The following APBB2 variants were observed in gnomAD, a reference collection of about 807,000 sequenced individuals.
The protein encoded by APBB2 is Fe65-like 1.
APBB2 carries 38 observed loss-of-function variants against 82.5 expected under a neutral mutation model. The observed-to-expected ratio is 0.46, with a 90% CI of 0.36 to 0.60. The LOEUF is 0.60. Ranked by LOEUF, APBB2 falls within the 20% of genes least tolerant of loss-of-function variation. The pLI is 0.00. For synonymous variants in APBB2, 341 were observed against 368.2 expected, an observed-to-expected ratio of 0.93 and a Z score of 0.85; for missense variants, 772 against 972.3, an observed-to-expected ratio of 0.79 and a Z score of 2.74.
chr4:41,068,033 C>T lies in APBB2; in HGVS notation c.-148-2360G>A, dbSNP rs542112274. Among the ~76,000 whole-genome samples the T allele has an allele frequency of 4.5e-4, 68 of 152,120 alleles. 1 individual carries two copies. In the South Asian group the frequency reaches 5.6e-3, roughly 13 times the overall value. ...GGAGTACAGATGAAGGGACTGACCT[C>T]GAAGAAGAGGGGAGTCCACAATCCT... is the stretch of plus-strand genomic sequence containing the variant. On this transcript the variant is annotated intron_variant, in intron 3 of 17. Coordinates refer to ENST00000508593, the MANE Select transcript of APBB2 (RefSeq NM_004307.2).
At chr4:40,974,288 A>G (rs552976834) in intron 6 of APBB2, among the ~76,000 whole-genome samples, 1 of 152,304 alleles carries the variant, frequency 6.6e-6, no homozygotes, top group South Asian at 2.1e-4. Flanking sequence ...TAGCTCTTCA[A>G]TGTATCTTTC....
In APBB2 at chr4:40,813,368, G is replaced by A. The variant is rs931780146; in HGVS notation, c.*2724C>T. ...AATATGGTAAGACATAGAAGGCATC[G>A]TGAACATGGCTGCCTGTTTACCGAA... is the stretch of plus-strand genomic sequence containing the variant. On this transcript the variant is annotated 3_prime_UTR_variant, in exon 18 of 18. Transcript: ENST00000508593. 6.6e-6 allele frequency: 1 copy of A among 152,112 alleles called. No individual in the cohort carries two copies. Among genetic ancestry groups the A allele is most frequent in the East Asian group, 1.9e-4 (1 of 5,204 alleles). The allele number at this position is 152,112 out of a possible 1,614,324, so 9.4% of individuals were successfully genotyped here.
rs766487790 is a variant in APBB2, at chr4:40,816,228, G to T, written c.2144C>A (p.Pro715Gln). Residue 715 changes from proline (P) to glutamine (Q), a missense_variant, in exon 18 of 18, where the codon CCG becomes CAG. Transcript: ENST00000508593. ...LRYQKCLVAR[P>Q]PSQKVRPPPP... ...AGGTGGTCGAACTTTCTGAGAAGGC[G>T]GCCTGGCTACCAAGCACTTCTGATA... is the stretch of plus-strand genomic sequence containing the variant. 1 of 1,614,126 alleles carries T rather than the reference G, an allele frequency of 6.2e-7. No homozygotes were observed. The highest frequency in any genetic ancestry group is 8.5e-7 in the Non-Finnish European group (1 of 1,180,028).
chr4:41,049,642 G>A (rs1725195200), intron 4 of APBB2, among the ~76,000 whole-genome samples: 2 of 152,196 alleles, frequency 1.3e-5, no homozygotes, highest in African/African-American at 2.4e-5. Context: ...GTACCCAACA[G>A]CTCATTGAGA....
intron 4 of APBB2, among the ~76,000 whole-genome samples, chr4:41,054,869 T>C (rs1414359456): frequency 6.6e-6 from 1 of 152,054 alleles, no homozygotes; most frequent in Non-Finnish European, 1.5e-5. Context: ...AAATGTGCTG[T>C]CTGCATGCTG....
chr4:40,840,422 G>T (rs778415001), intron 12 of APBB2, among the ~76,000 whole-genome samples: 1 of 152,150 alleles, frequency 6.6e-6, no homozygotes, highest in African/African-American at 2.4e-5. Flanking sequence ...GCGAAAGTAC[G>T]TAAGAAACTT....
chr4:41,137,789 GCAAAAAATAAAAA>G (rs1315515700), intron 2 of APBB2, among the ~76,000 whole-genome samples: 2 of 151,996 alleles, frequency 1.3e-5, no homozygotes, highest in Non-Finnish European at 2.9e-5. Flanking sequence ...AGACCTATAT[GCAAAAAATAAAAA>G]TAAAAAATCA....
chr4:40,980,166 G>A (rs1238400563), intron 6 of APBB2, among the ~76,000 whole-genome samples: 1 of 152,128 alleles, frequency 6.6e-6, no homozygotes, highest in African/African-American at 2.4e-5. Context: ...GGGACTACAG[G>A]CGCACGCTGC....
intron 1 of APBB2, among the ~76,000 whole-genome samples, chr4:41,154,018 T>C (rs968067743): frequency 6.6e-6 from 1 of 152,208 alleles, no homozygotes; most frequent in Admixed American, 6.5e-5. Context: ...TAGAGGTCCA[T>C]AAATTACTGA....
intron 3 of APBB2, among the ~76,000 whole-genome samples, chr4:41,095,949 G>T (rs533585771): frequency 1.3e-5 from 2 of 152,166 alleles, no homozygotes; most frequent in East Asian, 1.9e-4. Context: ...TCGATCTCAG[G>T]GTCCACTCTG....
At chr4:40,948,972 C>G (rs929799644) in intron 6 of APBB2, among the ~76,000 whole-genome samples, 4 of 149,138 alleles carry the variant, frequency 2.7e-5, no homozygotes, top group Admixed American at 2.0e-4. Flanking sequence ...CAGTGGTTTT[C>G]AACTGTTATC....
intron 6 of APBB2, among the ~76,000 whole-genome samples, chr4:40,982,767 G>T (rs1799439291): frequency 6.7e-6 from 1 of 148,858 alleles, no homozygotes; most frequent in Non-Finnish European, 1.5e-5. Context: ...CACCAGCCTG[G>T]GCAACAGAGA....
intron 1 of APBB2, among the ~76,000 whole-genome samples, chr4:41,172,958 T>C (rs1316895161): frequency 2.0e-5 from 3 of 152,234 alleles, no homozygotes; most frequent in Non-Finnish European, 4.4e-5. Flanking sequence ...CACTACACTT[T>C]TTTTACTCTG....
chr4:41,186,427 T>A (rs1341287254), intron 1 of APBB2, among the ~76,000 whole-genome samples: 1 of 152,232 alleles, frequency 6.6e-6, no homozygotes, highest in African/African-American at 2.4e-5. Flanking sequence ...GCTGTGTATG[T>A]ATGCTCACTT....
At chr4:41,068,495 A>AAT (rs1180698609) in intron 3 of APBB2, among the ~76,000 whole-genome samples, 2 of 152,208 alleles carry the variant, frequency 1.3e-5, no homozygotes, top group Non-Finnish European at 2.9e-5. Flanking sequence ...ATGACAGGTA[A>AAT]ATGGTCTGAG....
chr4:41,106,864 G>A (rs1036889880), intron 2 of APBB2, among the ~76,000 whole-genome samples: 1 of 152,008 alleles, frequency 6.6e-6, no homozygotes, highest in South Asian at 2.1e-4. Context: ...GTTGGGTCTG[G>A]GCAGAGAAAG....
At chr4:41,109,899 T>C (rs1252000771) in intron 2 of APBB2, among the ~76,000 whole-genome samples, 1 of 152,236 alleles carries the variant, frequency 6.6e-6, no homozygotes, top group Admixed American at 6.5e-5. Context: ...TTCAGACCCT[T>C]GTCTTCTGGT....
At chr4:40,865,270 C>T (rs765531907) in intron 12 of APBB2, among the ~76,000 whole-genome samples, 2 of 152,250 alleles carry the variant, frequency 1.3e-5, no homozygotes, top group South Asian at 2.1e-4. Context: ...CACACAGTCA[C>T]GGAGGGCCAA....
chr4:40,817,076 T>C (rs1282508501), intron 17 of APBB2, among the ~76,000 whole-genome samples: 1 of 152,158 alleles, frequency 6.6e-6, no homozygotes, highest in East Asian at 1.9e-4. Flanking sequence ...AGTTAAAATT[T>C]ATCAAATTTT....
Sources: gnomAD v4.1 joint callset for allele counts (sites outside exome capture counted in the v4.1 genomes callset) on GRCh38, gnomAD v4.1.1 for gene constraint, MANE v1.5 for transcripts, NCBI Gene and HGNC (gene_info 2026-07-23, HGNC 2026-07-21) for gene names.